The following KANSL1L variants were observed in gnomAD, a reference collection of about 807,000 sequenced individuals.
KANSL1L encodes the protein KAT8 regulatory NSL complex subunit 1 like, also known as KAT8 regulatory NSL complex subunit 1-like protein.
KANSL1L carries 25 observed loss-of-function variants against 108.6 expected under a neutral mutation model. The observed-to-expected ratio is 0.23, with a 90% CI of 0.17 to 0.32. The LOEUF (loss-of-function observed/expected upper bound fraction) is 0.32, where lower values mean the gene tolerates loss of function less well. Among genes scored for constraint, KANSL1L ranks in the 10% least tolerant of loss-of-function variants. The probability of loss-of-function intolerance (pLI) is 1.00; values close to 1 mark genes in which losing one functional copy is unlikely to be tolerated. For synonymous variants in KANSL1L, 405 were observed against 395.1 expected (o/e 1.03, Z -0.30); for missense variants, 1,137 against 1,125.7 (o/e 1.01, Z -0.14).
chr2:210,154,423 G>C lies in KANSL1L; in HGVS notation c.160C>G (p.Pro54Ala), dbSNP rs1168764851. 6.2e-7 allele frequency: 1 copy of C among 1,613,222 alleles called. No homozygotes were observed. Among genetic ancestry groups the C allele is most frequent in the Non-Finnish European group, 8.5e-7 (1 of 1,179,568 alleles). ...TFSQMLGFPT[P>A]EPTLNTNFVN... ...AAATTAGTATTAAGAGTAGGTTCAG[G>C]AGTTGGAAATCCAAGCATCTGAGAA... is the stretch of plus-strand genomic sequence containing the variant. The change falls in exon 2 of 15, where the codon CCT becomes GCT. Residue 54 changes from proline to alanine, a missense_variant. Transcript: ENST00000281772.
chr2:210,141,920 T>C (rs2095232694), intron 2 of KANSL1L, among the ~76,000 whole-genome samples: 1 of 152,262 alleles, frequency 6.6e-6, no homozygotes. Context: ...TGGTGAATGA[T>C]CCTTTTAATG....
intron 5 of KANSL1L, among the ~76,000 whole-genome samples, chr2:210,090,365 ATAT>A (rs1411302766): frequency 6.6e-6 from 1 of 152,166 alleles, no homozygotes; most frequent in Admixed American, 6.5e-5. Flanking sequence ...CTTTAAGATA[ATAT>A]TATTGTAGAA....
chr2:210,033,955 A>G (rs1482160717), intron 8 of KANSL1L, among the ~76,000 whole-genome samples: 1 of 152,166 alleles, frequency 6.6e-6, no homozygotes, highest in Admixed American at 6.5e-5. Flanking sequence ...GAAATGTATG[A>G]CAATTCTACA....
intron 5 of KANSL1L, among the ~76,000 whole-genome samples, chr2:210,093,304 C>T (rs1463838629): frequency 6.6e-6 from 1 of 152,190 alleles, no homozygotes; most frequent in Non-Finnish European, 1.5e-5. Flanking sequence ...CACCATCACA[C>T]CCAGCTAATT....
At chr2:210,068,570 G>A (rs1011033261) in intron 6 of KANSL1L, among the ~76,000 whole-genome samples, 33 of 152,106 alleles carry the variant, frequency 2.2e-4, no homozygotes, top group African/African-American at 7.7e-4. Flanking sequence ...GAAGTTTATT[G>A]TTTTCCTGTC....
At chr2:210,063,058 C>T (rs569097351) in intron 6 of KANSL1L, among the ~76,000 whole-genome samples, 6 of 152,288 alleles carry the variant, frequency 3.9e-5, no homozygotes, top group East Asian at 1.9e-4. Context: ...GGCCCAGGGT[C>T]GCTGTGCTGT....
chr2:210,130,024 A>G (rs1315575853), intron 2 of KANSL1L, among the ~76,000 whole-genome samples: 3 of 151,272 alleles, frequency 2.0e-5, no homozygotes, highest in African/African-American at 4.8e-5. Context: ...AACTGAAGAT[A>G]TAACTGTAGG....
chr2:210,028,403 C>CTTTTTTTTTTTT (rs397872290), intron 11 of KANSL1L: 2 of 85,982 alleles, frequency 2.3e-5, no homozygotes, highest in East Asian at 3.8e-4. Context: ...GCATCAAAAT[C>CTTTTTTTTTTTT]TTTTTTTTTT....
chr2:210,083,415 C>G (rs181812584), intron 5 of KANSL1L, among the ~76,000 whole-genome samples: 2 of 152,120 alleles, frequency 1.3e-5, no homozygotes, highest in East Asian at 3.9e-4. Context: ...AGTTGGAAGT[C>G]CTTTGATGAA....
intron 2 of KANSL1L, among the ~76,000 whole-genome samples, chr2:210,139,608 C>A (rs140242305): frequency 1.8e-4 from 27 of 152,146 alleles, no homozygotes; most frequent in African/African-American, 6.0e-4. Context: ...AGGTGTGAGA[C>A]GGTATCTCAT....
intron 6 of KANSL1L, among the ~76,000 whole-genome samples, chr2:210,058,063 A>C (rs1025578971): frequency 2.6e-5 from 4 of 152,222 alleles, no homozygotes; most frequent in Non-Finnish European, 5.9e-5. Context: ...CCAGTGAGCC[A>C]AGGCGGAACA....
At chr2:210,162,278 G>A (rs1261442218) in intron 1 of KANSL1L, among the ~76,000 whole-genome samples, 1 of 123,864 alleles carries the variant, frequency 8.1e-6, no homozygotes, top group Non-Finnish European at 1.7e-5. Context: ...TAAAGAACTT[G>A]TTTCAAGACA....
chr2:210,079,612 G>T (rs7420164), intron 5 of KANSL1L, among the ~76,000 whole-genome samples: 1 of 65,682 alleles, frequency 1.5e-5, no homozygotes, highest in Non-Finnish European at 2.6e-5. Flanking sequence ...ATATGTATGT[G>T]TATATATATA....
rs777366445 is a variant in KANSL1L, at chr2:210,154,495, T to C, written c.88A>G (p.Met30Val). ...TCATCTACAGTTCTGGGACTTTCCA[T>C]GTAGAGCATCTTGTCAGACTCCATG... ...STMESDKMLY[M>V]ESPRTVDEKL... The change falls in exon 2 of 15, where the codon ATG (methionine) becomes GTG (valine). Residue 30 changes from methionine (M) to valine (V), a missense_variant. Met to Val is a conservative substitution (Grantham distance 21). Around this residue, in one of 3 missense-constraint regions of KANSL1L, gnomAD observed 556 missense variants for 537.7 expected, o/e 1.03. Coordinates refer to ENST00000281772, the MANE Select transcript of KANSL1L (RefSeq NM_152519.4). The C allele has an allele frequency of 1.4e-5, 22 of 1,609,880 alleles. No individual in the cohort carries two copies. The highest frequency in any genetic ancestry group is 6.7e-5 in the African/African-American group (5 of 74,744).
At position 210,153,497 on chromosome 2, in the gene KANSL1L, T is replaced by C; in HGVS notation, c.1086A>G (p.Ala362=). ...LDEYTLRKNV[A]VNCSTEWKWL... ...TCTAATAATAATTTTGCACTTACACTGCCACATTTTTTCTAAGGGTATATT... is the reference window on the plus strand; with the variant it reads ...TCTAATAATAATTTTGCACTTACACCGCCACATTTTTTCTAAGGGTATATT... The change falls in exon 2 of 15, where the codon GCA becomes GCG. Residue 362 remains alanine, a splice_region_variant and synonymous_variant. Transcript: ENST00000281772. The C allele has an allele frequency of 3.7e-6, 6 of 1,613,714 alleles. No homozygotes were observed. The highest frequency in any genetic ancestry group is 5.1e-6 in the Non-Finnish European group (6 of 1,179,814).
At chr2:210,149,632 GTATT>G (rs2095288464) in intron 2 of KANSL1L, among the ~76,000 whole-genome samples, 1 of 151,778 alleles carries the variant, frequency 6.6e-6, no homozygotes, top group African/African-American at 2.4e-5. Flanking sequence ...ATTTAAAAAT[GTATT>G]TAATGACCTA....
intron 6 of KANSL1L, among the ~76,000 whole-genome samples, chr2:210,065,305 A>G (rs1319722656): frequency 1.3e-5 from 2 of 150,618 alleles, no homozygotes; most frequent in Non-Finnish European, 3.0e-5. Flanking sequence ...AAAAAAAAAA[A>G]AAAAAAAAAA....
In KANSL1L at chr2:210,031,442, GTCTTTTCTT is replaced by G; in HGVS notation, c.2125_2133del (p.Lys709_Arg711del). On this transcript the variant is annotated inframe_deletion, in exon 9 of 15. Coordinates refer to ENST00000281772, the MANE Select transcript of KANSL1L (RefSeq NM_152519.4). ...CTACCTAATGCTGTTTCACTCAAATGTCTTTTCTTTCTTCCCTGTAACAGTTGTGCAGAA... is the reference window on the plus strand; with the variant it reads ...CTACCTAATGCTGTTTCACTCAAATGTCTTCCCTGTAACAGTTGTGCAGAA... The G allele has an allele frequency of 6.2e-7, 1 of 1,600,160 alleles. No homozygotes were observed. The highest frequency in any genetic ancestry group is 8.6e-7 in the Non-Finnish European group (1 of 1,169,078).
chr2:210,025,600 A>G (rs1051247714), intron 12 of KANSL1L, among the ~76,000 whole-genome samples: 2 of 152,248 alleles, frequency 1.3e-5, no homozygotes, highest in African/African-American at 4.8e-5. Flanking sequence ...TCTCATGTAG[A>G]AAACAGTAGG....
Sources: gnomAD v4.1 joint callset for allele counts (sites outside exome capture counted in the v4.1 genomes callset) on GRCh38, gnomAD v4.1.1 for gene constraint, gnomAD v4.1.1 regional missense constraint, MANE v1.5 for transcripts, NCBI Gene and HGNC (gene_info 2026-07-23, HGNC 2026-07-21) for gene names.